The following WHAMM variants were observed in gnomAD, a reference collection of about 807,000 sequenced individuals.
WHAMM encodes WASP homolog-associated protein with actin, membranes and microtubules.
WHAMM carries 67 observed loss-of-function variants against 76.5 expected under a neutral mutation model. The observed-to-expected ratio is 0.88, with a 90% CI of 0.72 to 1.07. The LOEUF is 1.07. Ranked by LOEUF, WHAMM falls within the 50% of genes least tolerant of loss-of-function variation. The pLI, the probability that WHAMM is intolerant of heterozygous loss-of-function variation, is 0.00. For missense variants in WHAMM, 1,021 were observed against 1,051.1 expected (o/e 0.97, Z 0.40); for synonymous variants, 419 against 422.1 (o/e 0.99, Z 0.09).
chr15:82,814,025 A>T (rs1265250046), intron 2 of WHAMM, among the ~76,000 whole-genome samples: 1 of 152,180 alleles, frequency 6.6e-6, no homozygotes, highest in Non-Finnish European at 1.5e-5. Context: ...ACTTACGCAG[A>T]TTTCTTAAAA....
rs779760985 is a variant in WHAMM, at chr15:82,836,015, GA to G, written c.*2481del. ...CTTAATCAGGCTAAAATAATTCTCA[GA>G]ATTTGCTTTCTAAGGGCTGCCAAAC... On this transcript the variant is annotated 3_prime_UTR_variant, in exon 10 of 10. Transcript: ENST00000286760. The G allele has an allele frequency of 3.9e-5, 6 of 152,194 alleles. No homozygotes were observed. Among genetic ancestry groups the G allele is most frequent in the Non-Finnish European group, 5.9e-5 (4 of 68,038 alleles). The allele number at this position is 152,194 out of a possible 1,614,324, so 9.4% of individuals were successfully genotyped here.
intron 9 of WHAMM, among the ~76,000 whole-genome samples, chr15:82,832,378 GATT>G: frequency 1.3e-5 from 2 of 152,308 alleles, no homozygotes; most frequent in Middle Eastern, 6.8e-3. Flanking sequence ...AACTAGAATT[GATT>G]ATTAATCCTT....
Position 82,813,385 on chromosome 15 carries a change from A to G in WHAMM, c.783+109A>G, listed in dbSNP as rs910094086. ...TGTTTGTACTTTGTTTGGGTTTACC[A>G]TTATGTTTATTTATTTACTTATTTA... On this transcript the variant is annotated intron_variant, in intron 2 of 9. Transcript: ENST00000286760. 1.0e-5 allele frequency: 11 copies of G among 1,066,462 alleles called. No homozygotes were observed. In the African/African-American group the frequency reaches 1.5e-4, roughly 14 times the overall value. The allele number at this position is 1,066,462 out of a possible 1,614,324, so 66.1% of individuals were successfully genotyped here.
At chr15:82,810,788 G>C in intron 1 of WHAMM, 1 of 981,874 alleles carries the variant, frequency 1.0e-6, no homozygotes. Flanking sequence ...TTAGGAGATA[G>C]GGTGTTTTGT....
chr15:82,809,956 G>A lies in WHAMM; in HGVS notation c.230G>A (p.Ser77Asn). ...PKPEAAVSPS[S>N]WAGLLSAAGL... ...CCTGAGGCCGCCGTCTCCCCGTCCA[G>A]CTGGGCCGGCCTGCTCTCGGCCGCG... is the stretch of plus-strand genomic sequence containing the variant. Residue 77 changes from serine to asparagine, a missense_variant, in exon 1 of 10, where the codon AGC (serine) becomes AAC (asparagine). This residue lies in a region of WHAMM where 501 missense variants were observed against 524.9 expected (regional missense o/e 0.95). Transcript: ENST00000286760. 1 of 1,382,890 alleles carries A rather than the reference G, an allele frequency of 7.2e-7. No homozygotes were observed. The highest frequency in any genetic ancestry group is 2.9e-5 in the East Asian group (1 of 34,070). 85.7% of individuals were successfully genotyped at this position (1,382,890 alleles called of 1,614,324 possible).
At chr15:82,832,292 T>C (rs1284103089) in intron 9 of WHAMM, among the ~76,000 whole-genome samples, 2 of 152,276 alleles carry the variant, frequency 1.3e-5, no homozygotes, top group South Asian at 2.1e-4. Flanking sequence ...CAGAAAGAAA[T>C]TGTAATAAGA....
At chr15:82,821,848 C>T (rs544376393) in intron 5 of WHAMM, among the ~76,000 whole-genome samples, 2 of 152,280 alleles carry the variant, frequency 1.3e-5, no homozygotes, top group South Asian at 4.1e-4. Context: ...TGGTATGTCT[C>T]TCTCCATTTA....
chr15:82,818,330 A>G (rs1169275753), intron 4 of WHAMM, among the ~76,000 whole-genome samples: 3 of 152,152 alleles, frequency 2.0e-5, no homozygotes, highest in Admixed American at 6.5e-5. Context: ...CACACTGTGT[A>G]TACACATTAC....
Position 82,816,767 on chromosome 15 carries a change from C to A in WHAMM, c.859C>A (p.Arg287=). ...GAAAGAAGCTGAAGAATGGACCAGA[C>A]GGGCTGAAGAAGCTGTCGTCTCTAT... The part of the protein sequence containing the change: ...LEKEAEEWTR[R]AEEAVVSIQD... Residue 287 remains arginine, a synonymous_variant, in exon 3 of 10, where the codon CGG becomes AGG. Transcript: ENST00000286760. The A allele has an allele frequency of 3.8e-6, 6 of 1,560,160 alleles. No individual in the cohort carries two copies. The highest frequency in any genetic ancestry group is 5.2e-6 in the Non-Finnish European group (6 of 1,150,866).
intron 6 of WHAMM, 62 bp downstream of exon 6, chr15:82,823,349 G>A (rs1257052972): frequency 7.8e-7 from 1 of 1,281,172 alleles, no homozygotes; most frequent in Admixed American, 3.7e-5. Flanking sequence ...CTTGTATGAA[G>A]GATAAAGGTA....
In WHAMM at chr15:82,825,310, C is replaced by G. The variant is rs1259891940; in HGVS notation, c.1459-1100C>G. 1.4e-4 allele frequency among the ~76,000 whole-genome samples: 22 copies of G among 152,120 alleles called. 1 individual carries two copies. The highest frequency in any genetic ancestry group is 5.3e-4 in the African/African-American group (22 of 41,416). On this transcript the variant is annotated intron_variant, in intron 6 of 9. Transcript: ENST00000286760. ...CAGGAAGACTCTCCTTTGGCACTCCCATGGTGCTGTGGATGAACAGATGCC... is the reference window on the plus strand; with the variant it reads ...CAGGAAGACTCTCCTTTGGCACTCCGATGGTGCTGTGGATGAACAGATGCC...
rs1165551675 is a variant in WHAMM at position 82,830,759 on chromosome 15, C to G, written c.1802C>G (p.Ala601Gly). 1 of 1,613,842 alleles carries G rather than the reference C, an allele frequency of 6.2e-7. No individual in the cohort carries two copies. Among genetic ancestry groups the G allele is most frequent in the African/African-American group, 1.3e-5 (1 of 74,920 alleles). The stretch of plus-strand genomic sequence containing the variant: ...ACTAGAGGTGTTCCCCTATCGGAAG[C>G]TGGTAATGTGAAAAGCCCCAAGTGT... ...RKTRGVPLSE[A>G]GNVKSPKCQN... The change falls in exon 9 of 10, where the codon GCT (alanine) becomes GGT (glycine). Residue 601 changes from alanine (A) to glycine (G), a missense_variant. By Grantham distance (60) the Ala-to-Gly change is moderately conservative (BLOSUM62 0). Coordinates refer to ENST00000286760, the MANE Select transcript of WHAMM (RefSeq NM_001080435.3).
At chr15:82,811,298 G>A (rs551890373) in intron 1 of WHAMM, among the ~76,000 whole-genome samples, 65 of 152,198 alleles carry the variant, frequency 4.3e-4, no homozygotes, top group African/African-American at 1.5e-3. Context: ...AGGCCAGTCA[G>A]CGTTTGATCT....
intron 9 of WHAMM, among the ~76,000 whole-genome samples, chr15:82,832,897 C>T (rs935895460): frequency 1.3e-5 from 2 of 152,138 alleles, no homozygotes; most frequent in Admixed American, 6.5e-5. Flanking sequence ...CCCAGGCCTC[C>T]GTAACACTCT....
chr15:82,821,198 ATC>A (rs1270653047), intron 5 of WHAMM, among the ~76,000 whole-genome samples: 1 of 152,090 alleles, frequency 6.6e-6, no homozygotes, highest in Non-Finnish European at 1.5e-5. Context: ...GTTGCAAATA[ATC>A]TCTCCTTGTC....
At chr15:82,830,196 C>CTT (rs35705469) in intron 8 of WHAMM, among the ~76,000 whole-genome samples, 3 of 137,156 alleles carry the variant, frequency 2.2e-5, no homozygotes, top group Non-Finnish European at 4.8e-5. Flanking sequence ...CTTTTTATGG[C>CTT]TTTTTTTTTT....
rs1201863846 is a variant in WHAMM, at chr15:82,830,711, T to G, written c.1754T>G (p.Val585Gly). The G allele has an allele frequency of 2.7e-5, 44 of 1,613,876 alleles. No homozygotes were observed. Among genetic ancestry groups the G allele is most frequent in the Non-Finnish European group, 3.6e-5 (42 of 1,179,900 alleles). ...TTGCCAGCTTCCCACGCGGTGTCAG[T>G]AATTCACCCGTCCTCTAGGAAAACT... is the stretch of plus-strand genomic sequence containing the variant. ...MCLPASHAVS[V>G]IHPSSRKTRG... Residue 585 changes from valine (V) to glycine (G), a missense_variant, in exon 9 of 10, where the codon GTA becomes GGA. Physicochemically the swap from Val to Gly is moderately radical, Grantham distance 109. Coordinates refer to ENST00000286760, the MANE Select transcript of WHAMM (RefSeq NM_001080435.3).
Position 82,833,470 on chromosome 15 carries a change from C to G in WHAMM, c.2364C>G (p.Ile788Met). The G allele has an allele frequency of 6.2e-7, 1 of 1,614,030 alleles. No individual in the cohort carries two copies. Among genetic ancestry groups the G allele is most frequent in the Non-Finnish European group, 8.5e-7 (1 of 1,179,908 alleles). ...GCATCAAGGCTGCGCTCCAGAGAAT[C>G]AAGAGGGTGTCTGCTGACTCTGAGG... The part of the protein sequence containing the change: ...ERSIKAALQR[I>M]KRVSADSEED... The change falls in exon 10 of 10, where the codon ATC becomes ATG. Residue 788 changes from isoleucine to methionine, a missense_variant. Physicochemically the swap from Ile to Met is conservative, Grantham distance 10. Coordinates refer to ENST00000286760, the MANE Select transcript of WHAMM (RefSeq NM_001080435.3).
intron 1 of WHAMM, among the ~76,000 whole-genome samples, chr15:82,811,520 G>A (rs1159533280): frequency 6.6e-6 from 1 of 152,144 alleles, no homozygotes; most frequent in African/African-American, 2.4e-5. Context: ...TCACTCTGGG[G>A]TACTATAGCA....
Sources: gnomAD v4.1 joint callset for allele counts (sites outside exome capture counted in the v4.1 genomes callset) on GRCh38, gnomAD v4.1.1 for gene constraint, gnomAD v4.1.1 regional missense constraint, MANE v1.5 for transcripts, NCBI Gene and HGNC (gene_info 2026-07-23, HGNC 2026-07-21) for gene names.